The following ODAD2 variants were observed in gnomAD, a reference collection of about 807,000 sequenced individuals.
The protein encoded by ODAD2 is outer dynein arm-docking complex subunit 2.
In ODAD2, 89 loss-of-function variants were observed where a neutral mutation model predicts 106.8. That is an observed-to-expected ratio of 0.83 (90% CI 0.70 to 0.99). The LOEUF (loss-of-function observed/expected upper bound fraction) is 0.99, where lower values mean the gene tolerates loss of function less well. Ranked by LOEUF, ODAD2 falls within the 50% of genes least tolerant of loss-of-function variation. The pLI is 0.00. For synonymous variants in ODAD2, 404 were observed against 436.2 expected, an observed-to-expected ratio of 0.93 and a Z score of 0.92; for missense variants, 1,168 against 1,238.5, an observed-to-expected ratio of 0.94 and a Z score of 0.85.
intron 17 of ODAD2, among the ~76,000 whole-genome samples, chr10:27,906,882 A>C (rs974535019): frequency 6.6e-6 from 1 of 152,136 alleles, no homozygotes; most frequent in African/African-American, 2.4e-5. Context: ...GGACTAGGGG[A>C]GGAATAGCAT....
chr10:27,829,071 A>G (rs984633297), intron 19 of ODAD2, among the ~76,000 whole-genome samples: 1 of 152,190 alleles, frequency 6.6e-6, no homozygotes, highest in Admixed American at 6.5e-5. Flanking sequence ...ATTAGAACAG[A>G]TATTATCCAG....
At position 27,812,624 on chromosome 10, in the gene ODAD2, A is replaced by T; in HGVS notation, c.3023T>A (p.Leu1008His). 6.3e-7 allele frequency: 1 copy of T among 1,590,960 alleles called. No homozygotes were observed. Among genetic ancestry groups the T allele is most frequent in the Non-Finnish European group, 8.5e-7 (1 of 1,173,716 alleles). The change falls in exon 20 of 20, where the codon CTT (leucine) becomes CAT (histidine). Residue 1008 changes from leucine to histidine, a missense_variant and splice_region_variant. Physicochemically the swap from Leu to His is moderately conservative, Grantham distance 99. Around this residue, in one of 3 missense-constraint regions of ODAD2, gnomAD observed 701 missense variants for 712.3 expected, o/e 0.98. Coordinates refer to ENST00000305242, the MANE Select transcript of ODAD2 (RefSeq NM_018076.5). The part of the protein sequence containing the change: ...ITMHENGAVK[L>H]LLDMVGSPDQ... ...AGGGGACCCAACCATATCCAGTAGA[A>T]GCTGTCACACATAAGGAGGAGAAGA...
intron 17 of ODAD2, among the ~76,000 whole-genome samples, chr10:27,869,410 A>G (rs1840690436): frequency 6.6e-6 from 1 of 152,074 alleles, no homozygotes; most frequent in Admixed American, 6.6e-5. Context: ...GAAAAGTTAT[A>G]TATTTGGAAA....
intron 19 of ODAD2, among the ~76,000 whole-genome samples, chr10:27,832,466 C>T (rs993074372): frequency 2.6e-5 from 4 of 152,048 alleles, no homozygotes; most frequent in South Asian, 4.1e-4. Context: ...TCCCTTGTAT[C>T]GCAGCCAGGT....
intron 8 of ODAD2, among the ~76,000 whole-genome samples, chr10:27,970,792 T>C (rs1388210737): frequency 1.3e-5 from 2 of 152,020 alleles, no homozygotes; most frequent in Non-Finnish European, 2.9e-5. Context: ...GGTATAACCC[T>C]GTCTCTACTA....
At chr10:27,868,379 CAT>C (rs201805589) in intron 17 of ODAD2, among the ~76,000 whole-genome samples, 2,128 of 152,244 alleles carry the variant, frequency 0.014, 45 homozygotes, top group African/African-American at 0.049. Flanking sequence ...CACATGCACA[CAT>C]ATGTTTATCG....
intron 19 of ODAD2, among the ~76,000 whole-genome samples, chr10:27,826,145 G>T (rs1177575869): frequency 6.6e-6 from 1 of 152,166 alleles, no homozygotes; most frequent in Non-Finnish European, 1.5e-5. Flanking sequence ...GGAGGACGCA[G>T]AATGGGATCA....
chr10:27,961,893 T>C (rs1232217899), intron 9 of ODAD2, among the ~76,000 whole-genome samples, 178 bp from the exon 10 acceptor site: 1 of 152,132 alleles, frequency 6.6e-6, no homozygotes, highest in Admixed American at 6.6e-5. Context: ...AGCAAGACTC[T>C]GTCTCTACAA....
chr10:27,997,148 A>G (rs1257051478), intron 1 of ODAD2, among the ~76,000 whole-genome samples: 3 of 152,196 alleles, frequency 2.0e-5, no homozygotes, highest in Non-Finnish European at 4.4e-5. Context: ...TTAGTGCACA[A>G]ATTTGTTCTG....
At chr10:27,885,730 A>T (rs1185527536) in intron 17 of ODAD2, among the ~76,000 whole-genome samples, 2 of 37,638 alleles carry the variant, frequency 5.3e-5, no homozygotes, top group African/African-American at 1.7e-4. Flanking sequence ...ATTATATATA[A>T]AATATATTAT....
intron 2 of ODAD2, among the ~76,000 whole-genome samples, chr10:27,988,905 G>A (rs753960548): frequency 2.0e-5 from 3 of 152,134 alleles, no homozygotes; most frequent in Non-Finnish European, 4.4e-5. Flanking sequence ...CTGGGTATTT[G>A]GAGGAAGCCA....
rs539566489 is a variant in ODAD2, at chr10:27,993,694, A to G, written c.224+1225T>C. On this transcript the variant is annotated intron_variant, in intron 2 of 19. Transcript: ENST00000305242. ...ATAAATATGACTTCAAACAACTCAG[A>G]GAGAAGGCTGACCAATAGAAGAATT... Among the ~76,000 whole-genome samples, 30 of 152,294 alleles carry G rather than the reference A, an allele frequency of 2.0e-4. 1 individual carries two copies. The South Asian group carries it at 5.2e-3, about 26-fold the overall frequency.
At chr10:27,962,000 G>A (rs1353647439) in intron 9 of ODAD2, among the ~76,000 whole-genome samples, 1 of 152,172 alleles carries the variant, frequency 6.6e-6, no homozygotes, top group African/African-American at 2.4e-5. Context: ...CCAGGAGTCT[G>A]AGCTGCAGTA....
intron 6 of ODAD2, 35 bp downstream of exon 6, chr10:27,983,808 A>G (rs775656956): frequency 8.1e-6 from 13 of 1,601,298 alleles, no homozygotes; most frequent in South Asian, 2.2e-5. Context: ...ATCAAAGTCC[A>G]CTGGCTTTAG....
At chr10:27,957,298 G>T (rs1371798138) in intron 10 of ODAD2, 1 of 152,208 alleles carries the variant, frequency 6.6e-6, no homozygotes, top group Non-Finnish European at 1.5e-5. Context: ...ACTGCTTTCA[G>T]GGGGCTGAGA....
At chr10:27,924,030 GAGAA>G (rs1024892155) in intron 16 of ODAD2, among the ~76,000 whole-genome samples, 1 of 103,832 alleles carries the variant, frequency 9.6e-6, no homozygotes, top group African/African-American at 3.4e-5. Context: ...AAGAAGGAAA[GAGAA>G]AGAAAGAAGG....
At chr10:27,907,325 C>G (rs1843670945) in intron 17 of ODAD2, among the ~76,000 whole-genome samples, 1 of 152,136 alleles carries the variant, frequency 6.6e-6, no homozygotes, top group South Asian at 2.1e-4. Flanking sequence ...TGCACTCTCT[C>G]TGGATAGCAG....
At chr10:27,818,565 A>G (rs904995221) in intron 19 of ODAD2, among the ~76,000 whole-genome samples, 5 of 152,174 alleles carry the variant, frequency 3.3e-5, no homozygotes, top group Non-Finnish European at 7.4e-5. Flanking sequence ...GGATTAGAGG[A>G]CCTAATCCTA....
chr10:27,930,603 G>C (rs1845547949), intron 16 of ODAD2, among the ~76,000 whole-genome samples: 1 of 151,116 alleles, frequency 6.6e-6, no homozygotes, highest in South Asian at 2.1e-4. Context: ...CTCCAGCCTA[G>C]GCGACAGAGC....
Sources: gnomAD v4.1 joint callset for allele counts (sites outside exome capture counted in the v4.1 genomes callset) on GRCh38, gnomAD v4.1.1 for gene constraint, gnomAD v4.1.1 regional missense constraint, MANE v1.5 for transcripts, NCBI Gene and HGNC (gene_info 2026-07-23, HGNC 2026-07-21) for gene names.